DCTN5: variants seen among roughly 807,000 people sequenced by gnomAD.
DCTN5 encodes the protein dynactin subunit 5, also known as dynactin 4.
DCTN5 carries 14 observed loss-of-function variants against 23.5 expected under a neutral mutation model. The ratio of observed to expected loss-of-function variants is 0.60; its 90% confidence interval spans 0.39 to 0.93. DCTN5 has a LOEUF of 0.93. DCTN5 is among the 40% of genes least tolerant of loss of function. The pLI, the probability that DCTN5 is intolerant of heterozygous loss-of-function variation, is 0.00. For missense variants in DCTN5, 156 were observed against 225.9 expected, an observed-to-expected ratio of 0.69 and a Z score of 1.98; for synonymous variants, 67 against 79.6, an observed-to-expected ratio of 0.84 and a Z score of 0.84.
chr16:23,670,261 C>G lies in DCTN5; in HGVS notation c.*3117C>G, dbSNP rs1415664077. The stretch of plus-strand genomic sequence containing the variant: ...ACTGATTCTGTTTTACATGGCTGCA[C>G]AGAGCCCTTGTGGTTATTTGGGGTT... On this transcript the variant is annotated 3_prime_UTR_variant, in exon 6 of 6. Transcript: ENST00000300087. The G allele has an allele frequency of 6.6e-6, 1 of 152,362 alleles. No individual in the cohort carries two copies. Among genetic ancestry groups the G allele is most frequent in the Admixed American group, 6.5e-5 (1 of 15,286 alleles). 9.4% of individuals were successfully genotyped at this position (152,362 alleles called of 1,614,324 possible). A position where few individuals can be genotyped will look rare whatever the true frequency, so the allele number is the denominator to read the frequency against.
chr16:23,668,453 C>T lies in DCTN5; in HGVS notation c.*1309C>T, dbSNP rs977397559. 8 of 152,224 alleles carry T rather than the reference C, an allele frequency of 5.3e-5. No individual in the cohort carries two copies. Among genetic ancestry groups the T allele is most frequent in the Non-Finnish European group, 8.8e-5 (6 of 68,046 alleles). 9.4% of individuals were successfully genotyped at this position (152,224 alleles called of 1,614,324 possible). A position where few individuals can be genotyped will look rare whatever the true frequency, so the allele number is the denominator to read the frequency against. On this transcript the variant is annotated 3_prime_UTR_variant, in exon 6 of 6. Transcript: ENST00000300087. Reference sequence around the variant, plus strand: ...TTCGACAAGATGGAAGTTTATTTCTCTCTCCCATAACAGTGCAGTGATAGT... The same window carrying T: ...TTCGACAAGATGGAAGTTTATTTCTTTCTCCCATAACAGTGCAGTGATAGT...
Position 23,668,852 on chromosome 16 carries a change from A to G in DCTN5, c.*1708A>G, listed in dbSNP as rs755756208. 2.0e-5 allele frequency: 3 copies of G among 152,276 alleles called. No homozygotes were observed. Among genetic ancestry groups the G allele is most frequent in the African/African-American group, 4.8e-5 (2 of 41,442 alleles). The allele number at this position is 152,276 out of a possible 1,614,324, so 9.4% of individuals were successfully genotyped here. ...AATTTGGAAACTCCCAAAGTTCTCAATGGTTTGTTGTGAGTTCCATGTCCT... is the reference window on the plus strand; with the variant it reads ...AATTTGGAAACTCCCAAAGTTCTCAGTGGTTTGTTGTGAGTTCCATGTCCT... On this transcript the variant is annotated 3_prime_UTR_variant, in exon 6 of 6. Coordinates refer to ENST00000300087, the MANE Select transcript of DCTN5 (RefSeq NM_032486.4).
At chr16:23,652,687 C>T (rs925285396) in intron 2 of DCTN5, among the ~76,000 whole-genome samples, 1 of 152,168 alleles carries the variant, frequency 6.6e-6, no homozygotes, top group Non-Finnish European at 1.5e-5. Flanking sequence ...CCTCAGGCAA[C>T]CACCAATATA....
rs1567228782 is a variant in DCTN5 at position 23,645,806 on chromosome 16, T to C, written c.117+2783T>C. Among the ~76,000 whole-genome samples, 3 of 152,226 alleles carry C rather than the reference T, an allele frequency of 2.0e-5. 1 individual carries two copies. The highest frequency in any genetic ancestry group is 1.3e-4 in the Admixed American group (2 of 15,268). On this transcript the variant is annotated intron_variant, in intron 2 of 5. Transcript: ENST00000300087. ...TTCGTATAGGCACTTGGATTGTTTCTACCCTTTGGCTATTGGGAATAATGC... is the reference window on the plus strand; with the variant it reads ...TTCGTATAGGCACTTGGATTGTTTCCACCCTTTGGCTATTGGGAATAATGC...
At chr16:23,654,670 T>C (rs1367891377) in intron 2 of DCTN5, among the ~76,000 whole-genome samples, 1 of 152,210 alleles carries the variant, frequency 6.6e-6, no homozygotes, top group African/African-American at 2.4e-5. Flanking sequence ...CTGTAAACTG[T>C]AGTCACCCTA....
At chr16:23,652,305 A>T (rs1052603843) in intron 2 of DCTN5, among the ~76,000 whole-genome samples, 1 of 152,156 alleles carries the variant, frequency 6.6e-6, no homozygotes. Flanking sequence ...CTTTATTTAC[A>T]ACTGCCTATT....
rs1200095272 is a variant in DCTN5, at chr16:23,673,718, T to C, written c.*6574T>C. On this transcript the variant is annotated 3_prime_UTR_variant, in exon 6 of 6. Transcript: ENST00000300087. ...TTTCTAGTTTTTTGCCACTAGTGGA[T>C]AGGTTGGAATTTAAATTCTTCGGAT... 1 of 152,206 alleles carries C rather than the reference T, an allele frequency of 6.6e-6. No individual in the cohort carries two copies. The highest frequency in any genetic ancestry group is 1.5e-5 in the Non-Finnish European group (1 of 68,036). The allele number at this position is 152,206 out of a possible 1,614,324, so 9.4% of individuals were successfully genotyped here.
At chr16:23,645,137 A>ATATATTTTT (rs1555462995) in intron 2 of DCTN5, among the ~76,000 whole-genome samples, 1 of 30,804 alleles carries the variant, frequency 3.2e-5, no homozygotes, top group Non-Finnish European at 5.6e-5. Flanking sequence ...ATATATATAT[A>ATATATTTTT]TTTTTTTTTT....
chr16:23,641,686 T>C, intron 1 of DCTN5, 96 bp downstream of exon 1: 3 of 1,303,518 alleles, frequency 2.3e-6, no homozygotes, highest in South Asian at 1.2e-5. Context: ...CACCAACCCC[T>C]GTCCCTTTGG....
intron 3 of DCTN5, among the ~76,000 whole-genome samples, chr16:23,659,631 GAACAGAGAAGGGAGCAATT>G (rs1349013283): frequency 3.3e-5 from 5 of 152,192 alleles, no homozygotes; most frequent in Admixed American, 6.5e-5. Context: ...GGTTAGGAAG[GAACAGAGAAGGGAGCAATT>G]AACTCAAACT....
At position 23,641,509 on chromosome 16, in the gene DCTN5, C is replaced by G; in HGVS notation, c.-34C>G. Reference sequence around the variant, plus strand: ...TGAAAGACTGACCGACTGACTCTGACAGGATCCGGGGCTGAGGGAAGGAGG... The same window carrying G: ...TGAAAGACTGACCGACTGACTCTGAGAGGATCCGGGGCTGAGGGAAGGAGG... On this transcript the variant is annotated 5_prime_UTR_variant, in exon 1 of 6. Transcript: ENST00000300087. The G allele has an allele frequency of 6.2e-7, 1 of 1,613,774 alleles. No individual in the cohort carries two copies. Among genetic ancestry groups the G allele is most frequent in the South Asian group, 1.1e-5 (1 of 91,038 alleles).
At chr16:23,656,494 G>C (rs1051779711) in intron 2 of DCTN5, among the ~76,000 whole-genome samples, 1 of 151,950 alleles carries the variant, frequency 6.6e-6, no homozygotes, top group African/African-American at 2.4e-5. Context: ...TTTATATATT[G>C]CAGAAACTGG....
chr16:23,645,122 TATATATATA>T lies in DCTN5; in HGVS notation c.117+2100_117+2108del, dbSNP rs1415182383. Among the ~76,000 whole-genome samples the T allele has an allele frequency of 1.2e-3, 50 of 40,882 alleles. 1 individual carries two copies. Among genetic ancestry groups the T allele is most frequent in the East Asian group, 2.2e-3 (3 of 1,392 alleles). 26.8% of individuals were successfully genotyped at this position (40,882 alleles called of 152,430 possible). A position where few individuals can be genotyped will look rare whatever the true frequency, so the allele number is the denominator to read the frequency against. On this transcript the variant is annotated intron_variant, in intron 2 of 5. Transcript: ENST00000300087. ...ATATATATATATATATATATATATA[TATATATATA>T]TATATATTTTTTTTTTTTTTAATAC...
At chr16:23,641,664 C>G in intron 1 of DCTN5, 74 bp downstream of exon 1, 4 of 1,494,334 alleles carry the variant, frequency 2.7e-6, no homozygotes, top group Non-Finnish European at 3.7e-6. Flanking sequence ...CGTTCCCAAC[C>G]TGCCCCTACC....
chr16:23,646,472 T>G (rs762075238), intron 2 of DCTN5, among the ~76,000 whole-genome samples: 4 of 152,222 alleles, frequency 2.6e-5, no homozygotes, highest in Non-Finnish European at 4.4e-5. Context: ...GGTGTCATAT[T>G]AAGAATCCAA....
At chr16:23,664,373 A>G (rs575153567) in intron 4 of DCTN5, among the ~76,000 whole-genome samples, 1 of 152,254 alleles carries the variant, frequency 6.6e-6, no homozygotes, top group Non-Finnish European at 1.5e-5. Flanking sequence ...CTAGAAAAAC[A>G]TATGATTTAA....
rs1567237266 is a variant in DCTN5, at chr16:23,675,361, A to C, written c.*8217A>C. The C allele has an allele frequency of 6.6e-6, 1 of 152,198 alleles. No homozygotes were observed. Among genetic ancestry groups the C allele is most frequent in the Non-Finnish European group, 1.5e-5 (1 of 68,046 alleles). 9.4% of individuals were successfully genotyped at this position (152,198 alleles called of 1,614,324 possible). On this transcript the variant is annotated 3_prime_UTR_variant, in exon 6 of 6. Coordinates refer to ENST00000300087, the MANE Select transcript of DCTN5 (RefSeq NM_032486.4). ...CAAAAAATGCAAAAATTAGCTGGAC[A>C]TGATGGCATGTGCCTTTGGTTCCAG...
chr16:23,647,135 G>GTTTTTTTTTTTTTGTTTTTT (rs1967481421), intron 2 of DCTN5, among the ~76,000 whole-genome samples: 1 of 128,862 alleles, frequency 7.8e-6, no homozygotes, highest in African/African-American at 2.9e-5. Context: ...AAGTTTTCTG[G>GTTTTTTTTTTTTTGTTTTTT]TTTTTTTTTT....
chr16:23,647,882 A>G (rs1301140778), intron 2 of DCTN5, among the ~76,000 whole-genome samples: 1 of 152,196 alleles, frequency 6.6e-6, no homozygotes, highest in African/African-American at 2.4e-5. Flanking sequence ...CATATATGTC[A>G]TAAAGCATAA....
Sources: allele counts gnomAD v4.1 joint callset (sites outside exome capture counted in the v4.1 genomes callset), GRCh38; gene constraint gnomAD v4.1.1; transcripts MANE v1.5; gene names NCBI Gene and HGNC (gene_info 2026-07-23, HGNC 2026-07-21).